ST6GAL1: variants seen among roughly 807,000 people sequenced by gnomAD.
ST6GAL1 encodes beta-galactoside alpha-2,6-sialyltransferase 1.
ST6GAL1 carries 20 observed loss-of-function variants against 38.0 expected under a neutral mutation model. The observed-to-expected ratio is 0.53, with a 90% CI of 0.37 to 0.77. ST6GAL1 has a LOEUF of 0.77. Ranked by LOEUF, ST6GAL1 falls within the 30% of genes least tolerant of loss-of-function variation. ST6GAL1 has a pLI of 0.00. For missense variants in ST6GAL1, 432 were observed against 496.4 expected (o/e 0.87, Z 1.23); for synonymous variants, 196 against 188.2 (o/e 1.04, Z -0.34).
At chr3:186,989,361 A>G (rs1046894962) in intron 2 of ST6GAL1, among the ~76,000 whole-genome samples, 3 of 152,252 alleles carry the variant, frequency 2.0e-5, no homozygotes, top group African/African-American at 7.2e-5. Context: ...TCCAACGTAT[A>G]AAAACATTTC....
At position 187,043,199 on chromosome 3, in the gene ST6GAL1, G is replaced by A; in HGVS notation, c.496G>A (p.Glu166Lys). ...TDFPFNTSEW[E>K]GYLPKESIRT... Reference sequence around the variant, plus strand: ...TTTTCCCTTCAATACCTCTGAATGGGAGGGTTATCTGCCCAAGGAGAGCAT... The same window carrying A: ...TTTTCCCTTCAATACCTCTGAATGGAAGGGTTATCTGCCCAAGGAGAGCAT... Residue 166 changes from glutamate (E) to lysine (K), a missense_variant, in exon 4 of 8, where the codon GAG becomes AAG. Glu to Lys is a moderately conservative substitution (Grantham distance 56). Transcript: ENST00000169298. 3 of 1,614,234 alleles carry A rather than the reference G, an allele frequency of 1.9e-6. No individual in the cohort carries two copies. Among genetic ancestry groups the A allele is most frequent in the Non-Finnish European group, 2.5e-6 (3 of 1,180,022 alleles).
intron 2 of ST6GAL1, among the ~76,000 whole-genome samples, chr3:187,038,005 T>G (rs2108576776): frequency 6.6e-6 from 1 of 152,168 alleles, no homozygotes; most frequent in South Asian, 2.1e-4. Context: ...CTGATTGAAC[T>G]TTCACATATT....
chr3:187,023,174 C>T (rs1717390433), intron 2 of ST6GAL1, among the ~76,000 whole-genome samples: 1 of 152,128 alleles, frequency 6.6e-6, no homozygotes, highest in Non-Finnish European at 1.5e-5. Context: ...TGGTTTACAC[C>T]TCCTTCCAAC....
intron 4 of ST6GAL1, among the ~76,000 whole-genome samples, chr3:187,048,133 C>T (rs1042315708): frequency 4.6e-5 from 7 of 151,992 alleles, no homozygotes; most frequent in South Asian, 2.1e-4. Flanking sequence ...TTAGTAGAGA[C>T]GAGGTTTCAC....
At chr3:186,972,528 G>A (rs1003102590) in intron 2 of ST6GAL1, among the ~76,000 whole-genome samples, 2 of 152,050 alleles carry the variant, frequency 1.3e-5, no homozygotes, top group African/African-American at 4.8e-5. Flanking sequence ...GGGATTACAG[G>A]CGTGAGCCAC....
At chr3:186,932,511 T>C (rs534764934) in intron 1 of ST6GAL1, among the ~76,000 whole-genome samples, 1 of 152,382 alleles carries the variant, frequency 6.6e-6, no homozygotes, top group East Asian at 1.9e-4. Context: ...AATTCCTTAC[T>C]CTCCTTCAAG....
At chr3:187,060,221 C>T (rs940715476) in intron 5 of ST6GAL1, among the ~76,000 whole-genome samples, 8 of 152,118 alleles carry the variant, frequency 5.3e-5, no homozygotes, top group African/African-American at 1.4e-4. Flanking sequence ...AGTGCAGTGG[C>T]GCGATCTCAG....
At chr3:187,014,841 T>C (rs1436843171) in intron 2 of ST6GAL1, among the ~76,000 whole-genome samples, 1 of 152,218 alleles carries the variant, frequency 6.6e-6, no homozygotes, top group African/African-American at 2.4e-5. Context: ...ATCTCATTTA[T>C]TGTGTACAGT....
chr3:187,033,479 A>T (rs1250208411), intron 2 of ST6GAL1, among the ~76,000 whole-genome samples: 3 of 152,210 alleles, frequency 2.0e-5, no homozygotes. Context: ...TTATCCGTCA[A>T]TGGTATTCAA....
intron 1 of ST6GAL1, among the ~76,000 whole-genome samples, chr3:186,948,089 C>G (rs970989891): frequency 2.0e-5 from 3 of 152,182 alleles, no homozygotes; most frequent in African/African-American, 7.2e-5. Flanking sequence ...GGGTGAGAAT[C>G]CGCTCTTGCC....
chr3:187,070,778 C>G (rs961542363), intron 5 of ST6GAL1, among the ~76,000 whole-genome samples: 3 of 152,156 alleles, frequency 2.0e-5, no homozygotes. Flanking sequence ...TGCACCATCA[C>G]AGCGTGTTAA....
chr3:186,945,279 C>A (rs1022106172), intron 1 of ST6GAL1, among the ~76,000 whole-genome samples: 1 of 148,704 alleles, frequency 6.7e-6, no homozygotes, highest in African/African-American at 2.5e-5. Context: ...GTGCTCTGGG[C>A]TGGGTGAAAG....
At chr3:186,951,004 T>C (rs558426851) in intron 1 of ST6GAL1, among the ~76,000 whole-genome samples, 47 of 152,348 alleles carry the variant, frequency 3.1e-4, no homozygotes, top group African/African-American at 1.1e-3. Context: ...CCATACCTAC[T>C]CCACAAATCT....
At chr3:186,967,678 C>A (rs1715195887) in intron 2 of ST6GAL1, among the ~76,000 whole-genome samples, 1 of 152,180 alleles carries the variant, frequency 6.6e-6, no homozygotes, top group African/African-American at 2.4e-5. Context: ...AGCTTTGGCT[C>A]AGCAGGGCAC....
At chr3:186,931,266 C>G (rs559949531) in intron 1 of ST6GAL1, 15 of 145,128 alleles carry the variant, frequency 1.0e-4, no homozygotes, top group African/African-American at 2.3e-4. Context: ...GCGCCCTGCC[C>G]GGAGAGCTGG....
intron 2 of ST6GAL1, among the ~76,000 whole-genome samples, chr3:186,980,879 A>G (rs2108537428): frequency 6.6e-6 from 1 of 152,268 alleles, no homozygotes; most frequent in African/African-American, 2.4e-5. Flanking sequence ...GTGCCTTTAT[A>G]GGTCCCTGTC....
chr3:186,954,736 A>G (rs1714690933), intron 1 of ST6GAL1, among the ~76,000 whole-genome samples: 1 of 151,984 alleles, frequency 6.6e-6, no homozygotes, highest in Non-Finnish European at 1.5e-5. Context: ...AGCTTTGTCA[A>G]ATGGATAGAT....
chr3:187,023,840 A>T (rs947649187), intron 2 of ST6GAL1, among the ~76,000 whole-genome samples: 1 of 151,906 alleles, frequency 6.6e-6, no homozygotes, highest in Non-Finnish European at 1.5e-5. Context: ...CATATGTAAC[A>T]AACCTGCACG....
chr3:186,993,980 A>T (rs1716271955), intron 2 of ST6GAL1, among the ~76,000 whole-genome samples: 1 of 152,190 alleles, frequency 6.6e-6, no homozygotes, highest in Admixed American at 6.5e-5. Context: ...CTACTTCGTC[A>T]TCAGAGAGGG....
Sources: allele counts gnomAD v4.1 joint callset (sites outside exome capture counted in the v4.1 genomes callset), GRCh38; gene constraint gnomAD v4.1.1; transcripts MANE v1.5; gene names NCBI Gene and HGNC (gene_info 2026-07-23, HGNC 2026-07-21).